CUX2: variants seen among roughly 807,000 people sequenced by gnomAD.
CUX2 encodes the protein homeobox protein cut-like 2.
CUX2 carries 40 observed loss-of-function variants against 144.8 expected under a neutral mutation model. The ratio of observed to expected loss-of-function variants is 0.28; its 90% confidence interval spans 0.21 to 0.36. The LOEUF is 0.36. Ranked by LOEUF, CUX2 falls within the 10% of genes least tolerant of loss-of-function variation. The probability of loss-of-function intolerance (pLI) is 1.00; values close to 1 mark genes in which losing one functional copy is unlikely to be tolerated. For missense variants in CUX2, 1,615 were observed against 1,994.0 expected, an observed-to-expected ratio of 0.81 and a Z score of 3.62; for synonymous variants, 827 against 875.6, an observed-to-expected ratio of 0.94 and a Z score of 0.98.
intron 1 of CUX2, among the ~76,000 whole-genome samples, chr12:111,213,022 G>A (rs570374887): frequency 3.9e-5 from 6 of 152,304 alleles, no homozygotes; most frequent in African/African-American, 7.2e-5. Context: ...ACACGGTGCC[G>A]GGCCTCATCA....
chr12:111,052,199 C>G (rs1245711476), intron 1 of CUX2, among the ~76,000 whole-genome samples: 1 of 152,168 alleles, frequency 6.6e-6, no homozygotes, highest in Non-Finnish European at 1.5e-5. Flanking sequence ...TTGGAGCTTA[C>G]TCAATATCAC....
intron 3 of CUX2, among the ~76,000 whole-genome samples, chr12:111,228,827 G>C: frequency 6.6e-6 from 1 of 152,200 alleles, no homozygotes; most frequent in East Asian, 1.9e-4. Flanking sequence ...ACTGTAATCT[G>C]TGACTGGGGC....
At chr12:111,120,165 G>T (rs776239383) in intron 1 of CUX2, among the ~76,000 whole-genome samples, 2 of 152,074 alleles carry the variant, frequency 1.3e-5, no homozygotes, top group Non-Finnish European at 2.9e-5. Flanking sequence ...TCACTCTTTT[G>T]GTTGTGTTTC....
chr12:111,307,729 C>T lies in CUX2; in HGVS notation c.1109+472C>T, dbSNP rs1199724729. On this transcript the variant is annotated intron_variant, in intron 12 of 21. Transcript: ENST00000261726. The surrounding 1 kb of genome is among the most constrained non-coding windows in gnomAD (Gnocchi z 4.1). ...AAACGAAATTCAACCATCTTCAGTC[C>T]TTTTCCATTAAGAGCTGCCTGTACG... Among the ~76,000 whole-genome samples, 1 of 151,852 alleles carries T rather than the reference C, an allele frequency of 6.6e-6. No individual in the cohort carries two copies. The highest frequency in any genetic ancestry group is 1.9e-4 in the East Asian group (1 of 5,150).
chr12:111,276,667 G>GTTTTGTTTT (rs1884890341), intron 4 of CUX2, among the ~76,000 whole-genome samples: 1 of 151,962 alleles, frequency 6.6e-6, no homozygotes, highest in African/African-American at 2.4e-5. Context: ...GTTTTGTTTT[G>GTTTTGTTTT]TTTTGAGACG....
At chr12:111,087,305 T>C (rs920565492) in intron 1 of CUX2, among the ~76,000 whole-genome samples, 1 of 133,534 alleles carries the variant, frequency 7.5e-6, no homozygotes, top group Non-Finnish European at 1.5e-5. Context: ...GAGGCGGAGG[T>C]TGCAGTGAGC....
chr12:111,088,666 G>A (rs1475664729), intron 1 of CUX2, among the ~76,000 whole-genome samples: 1 of 152,164 alleles, frequency 6.6e-6, no homozygotes, highest in East Asian at 1.9e-4. Flanking sequence ...AGAGCTTAAG[G>A]GACTTGTCTG....
chr12:111,291,385 C>T, intron 4 of CUX2, 33 bp from the exon 5 acceptor site: 1 of 1,570,836 alleles, frequency 6.4e-7, no homozygotes, highest in Non-Finnish European at 8.6e-7. Flanking sequence ...TCCATCAGGC[C>T]CTCACTATCC....
chr12:111,323,356 C>T (rs1464890866), intron 18 of CUX2, among the ~76,000 whole-genome samples: 3 of 152,232 alleles, frequency 2.0e-5, no homozygotes, highest in Non-Finnish European at 4.4e-5. Flanking sequence ...CCCATATCAA[C>T]AGGAATATGG....
At chr12:111,145,893 C>A (rs879384162) in intron 1 of CUX2, among the ~76,000 whole-genome samples, 3 of 151,588 alleles carry the variant, frequency 2.0e-5, no homozygotes, top group Non-Finnish European at 4.4e-5. Context: ...TTTTAGTAGA[C>A]GCGGGGTTTC....
In CUX2 at chr12:111,077,060, G is replaced by A. The variant is rs1326608266; in HGVS notation, c.63+42820G>A. ...GCAACAGAGCTATTCCTTGCACGAG[G>A]AGGTAAAATATTTGAACTGATTGTA... On this transcript the variant is annotated intron_variant, in intron 1 of 21. Coordinates refer to ENST00000261726, the MANE Select transcript of CUX2 (RefSeq NM_015267.4). The surrounding 1 kb of genome is among the most constrained non-coding windows in gnomAD (Gnocchi z 4.1). Among the ~76,000 whole-genome samples the A allele has an allele frequency of 6.6e-6, 1 of 152,200 alleles. No individual in the cohort carries two copies. Among genetic ancestry groups the A allele is most frequent in the East Asian group, 1.9e-4 (1 of 5,184 alleles).
chr12:111,207,526 C>A (rs1315207261), intron 1 of CUX2, among the ~76,000 whole-genome samples: 1 of 152,164 alleles, frequency 6.6e-6, no homozygotes, highest in Non-Finnish European at 1.5e-5. Context: ...AAGGTGAAAG[C>A]AGAGCCCCTG....
chr12:111,305,375 T>C (rs1454422248), intron 10 of CUX2, among the ~76,000 whole-genome samples: 1 of 152,198 alleles, frequency 6.6e-6, no homozygotes, highest in Non-Finnish European at 1.5e-5. Flanking sequence ...CAGGTGTCTA[T>C]GTCTCTCTTT....
At chr12:111,326,855 A>C (rs1453735472) in intron 18 of CUX2, among the ~76,000 whole-genome samples, 1 of 152,128 alleles carries the variant, frequency 6.6e-6, no homozygotes, top group African/African-American at 2.4e-5. Flanking sequence ...AGTGAGCCGG[A>C]TGGCACCACT....
rs1879792890 is a variant in CUX2, at chr12:111,190,187, G to C, written c.64-24013G>C. On this transcript the variant is annotated intron_variant, in intron 1 of 21. Coordinates refer to ENST00000261726, the MANE Select transcript of CUX2 (RefSeq NM_015267.4). The surrounding 1 kb of genome is among the most constrained non-coding windows in gnomAD (Gnocchi z 4.0). Reference sequence around the variant, plus strand: ...TCTATTTGATCATCTCTTCCTTACTGAATTTTTAGGAGTGCTTGATTCTGC... The same window carrying C: ...TCTATTTGATCATCTCTTCCTTACTCAATTTTTAGGAGTGCTTGATTCTGC... Among the ~76,000 whole-genome samples the C allele has an allele frequency of 6.6e-6, 1 of 151,974 alleles. No homozygotes were observed. Among genetic ancestry groups the C allele is most frequent in the African/African-American group, 2.4e-5 (1 of 41,360 alleles).
chr12:111,074,047 A>C (rs1319827057), intron 1 of CUX2, among the ~76,000 whole-genome samples: 9 of 151,590 alleles, frequency 5.9e-5, no homozygotes, highest in Non-Finnish European at 1.3e-4. Flanking sequence ...ATACTAAAAA[A>C]AAAAATCATA....
Position 111,057,480 on chromosome 12 carries a change from CT to C in CUX2, c.63+23242del, listed in dbSNP as rs1334546672. Among the ~76,000 whole-genome samples the C allele has an allele frequency of 6.6e-6, 1 of 152,158 alleles. No individual in the cohort carries two copies. The highest frequency in any genetic ancestry group is 2.4e-5 in the African/African-American group (1 of 41,434). ...CTAGATGCTGACAGCACCACCTTTC[CT>C]TGCTTTCCAAGCTGCCCTCTTGAGG... is the stretch of plus-strand genomic sequence containing the variant. On this transcript the variant is annotated intron_variant, in intron 1 of 21. Transcript: ENST00000261726. This position sits in a 1 kb window ranked among gnomAD's most constrained non-coding sequence, Gnocchi z 5.1.
chr12:111,194,659 G>T (rs1417816825), intron 1 of CUX2, among the ~76,000 whole-genome samples: 1 of 152,202 alleles, frequency 6.6e-6, no homozygotes, highest in Non-Finnish European at 1.5e-5. Context: ...GCATCACCTC[G>T]TGGGCCCCTG....
At chr12:111,045,238 C>T (rs372027613) in intron 1 of CUX2, among the ~76,000 whole-genome samples, 7 of 152,242 alleles carry the variant, frequency 4.6e-5, no homozygotes, top group East Asian at 1.9e-4. Context: ...AGGGACCCCT[C>T]GTTTATAATC....
Sources: allele counts gnomAD v4.1 joint callset (sites outside exome capture counted in the v4.1 genomes callset), GRCh38; gene constraint gnomAD v4.1.1; non-coding constraint Gnocchi (gnomAD v3.1); transcripts MANE v1.5; gene names NCBI Gene and HGNC (gene_info 2026-07-23, HGNC 2026-07-21).